AKR1C3: variants seen among roughly 807,000 people sequenced by gnomAD.
The protein encoded by AKR1C3 is aldo-keto reductase family 1 member C3.
In AKR1C3, 48 loss-of-function variants were observed where a neutral mutation model predicts 43.6. The ratio of observed to expected loss-of-function variants is 1.10; its 90% CI spans 0.87 to 1.40. AKR1C3 has a LOEUF of 1.40. AKR1C3 is among the 40% of genes most tolerant of loss of function. AKR1C3 has a pLI of 0.00. For synonymous variants in AKR1C3, 162 were observed against 139.6 expected (o/e 1.16, Z -1.13); for missense variants, 482 against 391.2 (o/e 1.23, Z -1.96).
chr10:5,093,178 C>G (rs139794925), upstream of AKR1C3, among the ~76,000 whole-genome samples: 1 of 152,128 alleles, frequency 6.6e-6, no homozygotes, highest in African/African-American at 2.4e-5. Context: ...AATCTCTTGC[C>G]CTTGGCATCA....
chr10:5,103,714 G>T (rs142438101), intron 7 of AKR1C3, among the ~76,000 whole-genome samples: 3 of 152,178 alleles, frequency 2.0e-5, no homozygotes, highest in Non-Finnish European at 4.4e-5. Context: ...GCCTTTTCAT[G>T]TCTAGGCTCA....
chr10:5,098,077 G>A (rs562495728), intron 3 of AKR1C3: 3 of 994,740 alleles, frequency 3.0e-6, no homozygotes, highest in South Asian at 9.2e-5. Flanking sequence ...ATTTAGCCAG[G>A]AATTACTGTG....
intron 1 of AKR1C3, among the ~76,000 whole-genome samples, chr10:5,062,223 C>T (rs573877359): frequency 3.9e-5 from 6 of 152,182 alleles, no homozygotes; most frequent in Non-Finnish European, 7.4e-5. Context: ...CTGGCGGCCA[C>T]CTTAACCCCA....
chr10:5,097,726 T>C, intron 3 of AKR1C3, 176 bp downstream of exon 3: 1 of 1,425,522 alleles, frequency 7.0e-7, no homozygotes. Context: ...ATCCTACTTC[T>C]CTAATGCACA....
chr10:5,082,682 T>C (rs1017999519), intron 1 of AKR1C3, among the ~76,000 whole-genome samples: 4 of 152,156 alleles, frequency 2.6e-5, no homozygotes, highest in South Asian at 2.1e-4. Flanking sequence ...TGATGTGCTA[T>C]TGGATTTAGT....
chr10:5,085,287 C>G (rs6601902), intron 1 of AKR1C3, among the ~76,000 whole-genome samples: 151,081 of 151,754 alleles, frequency 1, 75,208 homozygotes, highest in South Asian at 1. Context: ...TAGCATGAAG[C>G]GTTGTTGAAT....
intron 8 of AKR1C3, among the ~76,000 whole-genome samples, chr10:5,106,577 C>A (rs1839505244): frequency 6.6e-6 from 1 of 151,964 alleles, no homozygotes; most frequent in Non-Finnish European, 1.5e-5. Context: ...ATGGTGAAAC[C>A]CTGTCTCTAC....
intron 7 of AKR1C3, 126 bp from the exon 8 acceptor site, chr10:5,105,469 C>T: frequency 1.5e-6 from 1 of 657,168 alleles, no homozygotes; most frequent in Non-Finnish European, 2.6e-6. Context: ...GTGTTTAGAG[C>T]TGACTTCTAT....
intron 1 of AKR1C3, among the ~76,000 whole-genome samples, chr10:5,067,176 TAAAC>T (rs1376181878): frequency 2.6e-5 from 4 of 152,264 alleles, no homozygotes; most frequent in East Asian, 1.9e-4. Flanking sequence ...GCAAATTCCT[TAAAC>T]AAAAGTACAC....
intron 1 of AKR1C3, among the ~76,000 whole-genome samples, chr10:5,081,076 G>A (rs1173432020): frequency 2.0e-5 from 3 of 152,110 alleles, no homozygotes; most frequent in African/African-American, 7.2e-5. Flanking sequence ...TCCTTAAAGT[G>A]GGTATTTACA....
intron 1 of AKR1C3, 38 bp from the exon 2 acceptor site, chr10:5,096,372 C>T (rs1554785111): frequency 6.3e-7 from 1 of 1,598,258 alleles, no homozygotes; most frequent in Non-Finnish European, 8.5e-7. Context: ...CTCTCAGCCA[C>T]AGTGATCACC....
chr10:5,095,636 T>G (rs1284536790), intron 1 of AKR1C3, among the ~76,000 whole-genome samples: 1 of 152,148 alleles, frequency 6.6e-6, no homozygotes, highest in Non-Finnish European at 1.5e-5. Flanking sequence ...CTTTCAAATC[T>G]TTATCCAAAT....
intron 1 of AKR1C3, chr10:5,080,797 A>G (rs1838820651): frequency 6.6e-6 from 1 of 152,212 alleles, no homozygotes; most frequent in African/African-American, 2.4e-5. Flanking sequence ...TCTGTATTGG[A>G]CCACCATGTT....
intron 1 of AKR1C3, among the ~76,000 whole-genome samples, chr10:5,063,643 C>A (rs1450291316): frequency 6.6e-6 from 1 of 150,854 alleles, no homozygotes; most frequent in Admixed American, 6.6e-5. Flanking sequence ...AAAATTAAGC[C>A]AGGTGTAGTG....
chr10:5,051,173 G>T (rs1838146056), intron 1 of AKR1C3, among the ~76,000 whole-genome samples: 1 of 152,196 alleles, frequency 6.6e-6, no homozygotes, highest in Non-Finnish European at 1.5e-5. Context: ...TCGGCTAACT[G>T]CAACCTCCGC....
intron 5 of AKR1C3, among the ~76,000 whole-genome samples, chr10:5,100,410 C>T (rs1186045260): frequency 6.6e-6 from 1 of 152,192 alleles, no homozygotes; most frequent in Non-Finnish European, 1.5e-5. Context: ...ATGTCTTAGT[C>T]TGCTACTTCT....
At position 5,094,983 on chromosome 10, in the gene AKR1C3, G is replaced by A. The variant is rs73599962; in HGVS notation, c.84+455G>A. 9.1e-3 allele frequency among the ~76,000 whole-genome samples: 1,385 copies of A among 152,172 alleles called. 22 individuals are homozygous for A. Among genetic ancestry groups the A allele is most frequent in the African/African-American group, 0.031 (1,305 of 41,534 alleles). On this transcript the variant is annotated intron_variant, in intron 1 of 8. Coordinates refer to ENST00000380554, the MANE Select transcript of AKR1C3 (RefSeq NM_003739.6). The stretch of plus-strand genomic sequence containing the variant: ...GTCGGCAGAGTATCACTGTTCTGAT[G>A]GGCGGCAGTGAGTGCCACCCAGTAT...
At chr10:5,098,257 CT>C (rs1296224464) in intron 3 of AKR1C3, 39 of 920,240 alleles carry the variant, frequency 4.2e-5, no homozygotes, top group Non-Finnish European at 4.5e-5. Flanking sequence ...AACTCCAACA[CT>C]TTTTTTTATT....
chr10:5,076,336 G>A (rs1838714394), intron 1 of AKR1C3, among the ~76,000 whole-genome samples: 1 of 152,096 alleles, frequency 6.6e-6, no homozygotes, highest in South Asian at 2.1e-4. Context: ...ATTAATTATT[G>A]CTATTATCTC....
Sources: allele counts gnomAD v4.1 joint callset (sites outside exome capture counted in the v4.1 genomes callset), GRCh38; gene constraint gnomAD v4.1.1; transcripts MANE v1.5; gene names NCBI Gene and HGNC (gene_info 2026-07-23, HGNC 2026-07-21).